The following LIPA variants were observed in gnomAD, a reference collection of about 807,000 sequenced individuals.
The protein encoded by LIPA is lysosomal acid lipase/cholesteryl ester hydrolase.
Under a neutral mutation model 40.6 loss-of-function variants are expected in LIPA, and 26 were observed. The ratio of observed to expected loss-of-function variants is 0.64; its 90% confidence interval spans 0.47 to 0.89. The LOEUF is 0.89. LIPA is among the 40% of genes least tolerant of loss of function. The pLI, the probability that LIPA is intolerant of heterozygous loss-of-function variation, is 0.00. For missense variants in LIPA, 455 were observed against 479.6 expected (o/e 0.95, Z 0.48); for synonymous variants, 188 against 168.4 (o/e 1.12, Z -0.90).
In LIPA at chr10:89,386,972, T is replaced by TGA. The variant is rs59096550; in HGVS notation, c.61+25817_61+25818dup. Among the ~76,000 whole-genome samples, 41 of 99,336 alleles carry TGA rather than the reference T, an allele frequency of 4.1e-4. 1 individual carries two copies. The highest frequency in any genetic ancestry group is 1.6e-3 in the Admixed American group (16 of 10,272). 65.2% of individuals were successfully genotyped at this position (99,336 alleles called of 152,430 possible). On this transcript the variant is annotated intron_variant, in intron 2 of 8. Transcript: ENST00000371837. ...GTGTGTGTGTGTGTGTGTGTGTGTG[T>TGA]GAGAGAGAGAGAGAGTGTGTGTGTG...
intron 2 of LIPA, among the ~76,000 whole-genome samples, chr10:89,411,067 A>G (rs1270755253): frequency 6.6e-6 from 1 of 152,270 alleles, no homozygotes; most frequent in Non-Finnish European, 1.5e-5. Context: ...CAGAAACCCT[A>G]TAACACTCCA....
rs1253944143 is a variant in LIPA, at chr10:89,285,989, C to T, written c.-1-38340G>A. Among the ~76,000 whole-genome samples the T allele has an allele frequency of 2.6e-5, 4 of 152,146 alleles. 1 individual carries two copies. The highest frequency in any genetic ancestry group is 4.4e-5 in the Non-Finnish European group (3 of 67,988). On this transcript the variant is annotated intron_variant, in intron 1 of 5. Transcript: ENST00000282673. Reference sequence around the variant, plus strand: ...ACTTAAAACCTCTTCAACTCACACCCGACTTAAAACCCAAATGCCTTATTT... The same window carrying T: ...ACTTAAAACCTCTTCAACTCACACCTGACTTAAAACCCAAATGCCTTATTT...
At chr10:89,278,469 C>G (rs1347387734) in intron 1 of LIPA, 1 of 152,198 alleles carries the variant, frequency 6.6e-6, no homozygotes, top group Non-Finnish European at 1.5e-5. Context: ...TGAGGCTTTT[C>G]TTGGTTTAGC....
intron 1 of LIPA, among the ~76,000 whole-genome samples, chr10:89,283,462 A>C (rs1428793639): frequency 1.3e-5 from 2 of 152,144 alleles, no homozygotes; most frequent in Non-Finnish European, 2.9e-5. Context: ...GTCACTATTA[A>C]TATTAGCTAG....
chr10:89,228,404 A>G lies in LIPA; in HGVS notation c.230-6T>C. 1 of 1,613,930 alleles carries G rather than the reference A, an allele frequency of 6.2e-7. No homozygotes were observed. Among genetic ancestry groups the G allele is most frequent in the Non-Finnish European group, 8.5e-7 (1 of 1,179,736 alleles). ...GAAGACAACTGGTTTGGGACCTGAA[A>G]AACATTCATTGTTTAGGAGGCAGTA... On this transcript the variant is annotated splice_polypyrimidine_tract_variant and splice_region_variant and intron_variant, in intron 3 of 9. Coordinates refer to ENST00000336233, the MANE Select transcript of LIPA (RefSeq NM_000235.4).
At chr10:89,264,950 C>T (rs1270620815) in intron 1 of LIPA, among the ~76,000 whole-genome samples, 1 of 152,162 alleles carries the variant, frequency 6.6e-6, no homozygotes, top group East Asian at 1.9e-4. Flanking sequence ...ACCCACAGGC[C>T]CATGCTAAGC....
In LIPA at chr10:89,311,976, T is replaced by G. The variant is rs181065602; in HGVS notation, c.-2+30635A>C. Among the ~76,000 whole-genome samples, 63 of 152,278 alleles carry G rather than the reference T, an allele frequency of 4.1e-4. No individual in the cohort carries two copies. In the East Asian group the frequency reaches 0.012, roughly 28 times the overall value. On this transcript the variant is annotated intron_variant, in intron 1 of 5. Coordinates refer to the LIPA transcript ENST00000282673. The stretch of plus-strand genomic sequence containing the variant: ...CACCCAGAATGCTAGTTTTCTCTCC[T>G]CTCTCTCTGTCTGTCCCCACCATCT...
chr10:89,411,791 C>G (rs954958082), intron 2 of LIPA, among the ~76,000 whole-genome samples: 1 of 152,126 alleles, frequency 6.6e-6, no homozygotes, highest in African/African-American at 2.4e-5. Context: ...CACGAGATGC[C>G]ACCCGGTGTT....
rs754964952 is a variant in LIPA, at chr10:89,215,984, G to T, written c.920C>A (p.Ala307Asp). Residue 307 changes from alanine to aspartate, a missense_variant, in exon 9 of 10, where the codon GCC becomes GAC. Transcript: ENST00000336233. The part of the protein sequence containing the change: ...SQAVKFQKFQ[A>D]FDWGSSAKNY... ...CTTGGCACTGCTTCCCCAGTCAAAGGCTTGAAACTTTTGGAATTTAACAGC... is the reference window on the plus strand; with the variant it reads ...CTTGGCACTGCTTCCCCAGTCAAAGTCTTGAAACTTTTGGAATTTAACAGC... 2.4e-5 allele frequency: 38 copies of T among 1,611,768 alleles called. 1 individual carries two copies. Among genetic ancestry groups the T allele is most frequent in the South Asian group, 3.3e-5 (3 of 91,038 alleles).
At chr10:89,225,376 T>G in intron 5 of LIPA, 148 bp from the exon 6 acceptor site, 1 of 914,324 alleles carries the variant, frequency 1.1e-6, no homozygotes, top group Non-Finnish European at 1.8e-6. Flanking sequence ...ACACTTGACA[T>G]GGGGCACTCT....
At chr10:89,293,678 A>ATG (rs1843390693) in intron 1 of LIPA, 1 of 126,268 alleles carries the variant, frequency 7.9e-6, no homozygotes, top group African/African-American at 3.4e-5. Context: ...TCTGTGTGAG[A>ATG]TGAGAGAGAG....
At chr10:89,268,925 G>T (rs190722234) in intron 1 of LIPA, among the ~76,000 whole-genome samples, 46 of 151,272 alleles carry the variant, frequency 3.0e-4, no homozygotes, top group African/African-American at 1.1e-3. Context: ...GGCGGAGCTT[G>T]CAGTGAGCCA....
intron 2 of LIPA, chr10:89,393,337 T>A: frequency 7.9e-7 from 1 of 1,269,376 alleles, no homozygotes; most frequent in Non-Finnish European, 1.0e-6. Context: ...AAATCTAGGC[T>A]CTTGGTACGT....
intron 8 of LIPA, among the ~76,000 whole-genome samples, chr10:89,219,173 A>G (rs979170602): frequency 6.7e-6 from 1 of 148,884 alleles, no homozygotes; most frequent in Non-Finnish European, 1.5e-5. Flanking sequence ...TCCTTTAAAG[A>G]AAAAAAAAAG....
At chr10:89,384,237 G>C (rs767930241) in intron 2 of LIPA, 1 of 1,614,164 alleles carries the variant, frequency 6.2e-7, no homozygotes, top group East Asian at 2.2e-5. Context: ...CTACAAACTG[G>C]CAGCCTAGAG....
At position 89,224,247 on chromosome 10, in the gene LIPA, C is replaced by T. The variant is rs528489820; in HGVS notation, c.676-417G>A. Among the ~76,000 whole-genome samples, 7 of 152,356 alleles carry T rather than the reference C, an allele frequency of 4.6e-5. No individual in the cohort carries two copies. In the South Asian group the frequency reaches 1.0e-3, roughly 23 times the overall value. On this transcript the variant is annotated intron_variant, in intron 6 of 9. Coordinates refer to ENST00000336233, the MANE Select transcript of LIPA (RefSeq NM_000235.4). Reference sequence around the variant, plus strand: ...GGTGTGCCCATCTAATTCAATGCTACTGGCCAGCAGGCCAAATCCAGCCCA... The same window carrying T: ...GGTGTGCCCATCTAATTCAATGCTATTGGCCAGCAGGCCAAATCCAGCCCA...
At position 89,223,789 on chromosome 10, in the gene LIPA, A is replaced by G. The variant is rs377497645; in HGVS notation, c.717T>C (p.Phe239=). 1 of 1,614,032 alleles carries G rather than the reference A, an allele frequency of 6.2e-7. No individual in the cohort carries two copies. The highest frequency in any genetic ancestry group is 8.5e-7 in the Non-Finnish European group (1 of 1,180,018). ...GDKEFLPQSA[F]LKWLGTHVCT... The stretch of plus-strand genomic sequence containing the variant: ...AAACGTGGGTACCCAGCCACTTCAA[A>G]AACGCACTCTGGGGAAGAAATTCTT... The change falls in exon 7 of 10, where the codon TTT becomes TTC. Residue 239 remains phenylalanine, a synonymous_variant. Coordinates refer to ENST00000336233, the MANE Select transcript of LIPA (RefSeq NM_000235.4).
chr10:89,259,144 T>C (rs1286568438), intron 1 of LIPA, among the ~76,000 whole-genome samples: 1 of 152,238 alleles, frequency 6.6e-6, no homozygotes, highest in African/African-American at 2.4e-5. Context: ...ATATACTGAA[T>C]GCCATTGTTC....
At chr10:89,361,268 T>C (rs773326723) in intron 2 of LIPA, among the ~76,000 whole-genome samples, 1 of 152,182 alleles carries the variant, frequency 6.6e-6, no homozygotes, top group East Asian at 1.9e-4. Flanking sequence ...TGTTGATGAC[T>C]CTAAGAAATA....
Sources: gnomAD v4.1 joint callset for allele counts (sites outside exome capture counted in the v4.1 genomes callset) on GRCh38, gnomAD v4.1.1 for gene constraint, MANE v1.5 for transcripts, NCBI Gene and HGNC (gene_info 2026-07-23, HGNC 2026-07-21) for gene names.